The following CLASP2 variants were observed in gnomAD, a reference collection of about 807,000 sequenced individuals.
The protein encoded by CLASP2 is cytoplasmic linker associated protein 2.
CLASP2 carries 47 observed loss-of-function variants against 194.4 expected under a neutral mutation model. The ratio of observed to expected loss-of-function variants is 0.24; its 90% CI spans 0.19 to 0.31. The LOEUF is 0.31. CLASP2 is among the 10% of genes least tolerant of loss of function. The pLI, the probability that CLASP2 is intolerant of heterozygous loss-of-function variation, is 1.00. For synonymous variants in CLASP2, 619 were observed against 633.5 expected, an observed-to-expected ratio of 0.98 and a Z score of 0.34; for missense variants, 1,445 against 1,823.6, an observed-to-expected ratio of 0.79 and a Z score of 3.78.
chr3:33,713,139 C>T (rs2093117227), intron 1 of CLASP2, among the ~76,000 whole-genome samples: 1 of 151,364 alleles, frequency 6.6e-6, no homozygotes, highest in African/African-American at 2.4e-5. Flanking sequence ...CATGGGTAGT[C>T]AGTATGACAT....
At chr3:33,531,775 CAAAACA>C (rs367939263) in intron 34 of CLASP2, among the ~76,000 whole-genome samples, 12 of 151,772 alleles carry the variant, frequency 7.9e-5, no homozygotes, top group Admixed American at 5.9e-4. Context: ...AACTCTGTCT[CAAAACA>C]AAAACAAAAA....
chr3:33,519,279 T>C (rs1353760652), intron 34 of CLASP2, among the ~76,000 whole-genome samples: 1 of 152,190 alleles, frequency 6.6e-6, no homozygotes, highest in Non-Finnish European at 1.5e-5. Context: ...TTCTAGAATA[T>C]TATAGTTCCT....
At chr3:33,588,520 A>C (rs1348419752) in intron 21 of CLASP2, among the ~76,000 whole-genome samples, 1 of 152,228 alleles carries the variant, frequency 6.6e-6, no homozygotes, top group Non-Finnish European at 1.5e-5. Flanking sequence ...TGTCATTTAA[A>C]AAAAATCAAA....
chr3:33,533,210 G>A (rs905317899), intron 34 of CLASP2, among the ~76,000 whole-genome samples: 3 of 152,128 alleles, frequency 2.0e-5, no homozygotes, highest in Non-Finnish European at 4.4e-5. Flanking sequence ...TTCATGCTAT[G>A]TCCAATTTAT....
chr3:33,605,579 G>A (rs1366906609), intron 16 of CLASP2, among the ~76,000 whole-genome samples: 3 of 152,196 alleles, frequency 2.0e-5, no homozygotes, highest in East Asian at 1.9e-4. Flanking sequence ...CAAGGAAACC[G>A]GCAATCTTTG....
chr3:33,591,821 T>C (rs530089090), intron 21 of CLASP2, among the ~76,000 whole-genome samples: 4 of 152,332 alleles, frequency 2.6e-5, no homozygotes, highest in African/African-American at 9.6e-5. Context: ...GTTTCCTCAC[T>C]ATAAATTAGT....
chr3:33,635,580 A>G (rs1019058392), intron 8 of CLASP2, among the ~76,000 whole-genome samples: 1 of 152,226 alleles, frequency 6.6e-6, no homozygotes, highest in Non-Finnish European at 1.5e-5. Context: ...AATAAAATGG[A>G]AAGTTCAAAA....
chr3:33,537,195 CA>C (rs1011973687), intron 33 of CLASP2, among the ~76,000 whole-genome samples: 209 of 146,532 alleles, frequency 1.4e-3, no homozygotes, highest in Admixed American at 3.4e-3. Flanking sequence ...TCTAAAAAAC[CA>C]AAAAAAAAAC....
chr3:33,676,127 CA>C (rs1202611130), intron 6 of CLASP2, among the ~76,000 whole-genome samples: 2 of 152,200 alleles, frequency 1.3e-5, no homozygotes, highest in African/African-American at 4.8e-5. Flanking sequence ...ATTGCCAAGT[CA>C]ATCCTAAGCC....
intron 7 of CLASP2, among the ~76,000 whole-genome samples, chr3:33,654,339 G>A (rs1365658660): frequency 1.3e-5 from 2 of 152,064 alleles, no homozygotes; most frequent in Non-Finnish European, 2.9e-5. Context: ...CACGGAAAAA[G>A]GAAAAAGCAA....
At chr3:33,562,573 C>T (rs2061967785) in intron 27 of CLASP2, among the ~76,000 whole-genome samples, 2 of 152,260 alleles carry the variant, frequency 1.3e-5, no homozygotes, top group African/African-American at 4.8e-5. Context: ...GGAGTATTTA[C>T]ATCTCAGAAA....
rs1379517057 is a variant in CLASP2 at position 33,619,741 on chromosome 3, A to T, written c.1182-3T>A. On this transcript the variant is annotated splice_polypyrimidine_tract_variant and splice_region_variant and intron_variant, in intron 11 of 38. Transcript: ENST00000682230. ...TTCCCAAAACTGTTGAAAGGTGGCT[A>T]CAAAGGAAGACAAAAAGTATTTTTT... The T allele has an allele frequency of 6.4e-7, 1 of 1,572,172 alleles. No homozygotes were observed. Among genetic ancestry groups the T allele is most frequent in the Admixed American group, 1.9e-5 (1 of 53,492 alleles).
At chr3:33,613,001 T>C (rs1181753601) in intron 12 of CLASP2, among the ~76,000 whole-genome samples, 3 of 152,182 alleles carry the variant, frequency 2.0e-5, no homozygotes, top group Admixed American at 2.0e-4. Context: ...AACAATCTAT[T>C]GTACATTTCA....
In CLASP2 at chr3:33,670,950, G is replaced by A. The variant is rs188108738; in HGVS notation, c.645-7435C>T. Among the ~76,000 whole-genome samples the A allele has an allele frequency of 2.0e-5, 3 of 152,266 alleles. No individual in the cohort carries two copies. The East Asian group carries it at 5.8e-4, about 29-fold the overall frequency. On this transcript the variant is annotated intron_variant, in intron 6 of 38. Transcript: ENST00000682230. The stretch of plus-strand genomic sequence containing the variant: ...TCCTTAACAATGTCTGACCTTAAGT[G>A]AAACTATTTAATTAGACTTAACCTG...
At position 33,693,662 on chromosome 3, in the gene CLASP2, A is replaced by G. The variant is rs112663397; in HGVS notation, c.274+3193T>C. ...GGTAAATAGGCAAAAATGGGTAAAA[A>G]GTAGGCATTCAATTAATTGATAGCA... is the stretch of plus-strand genomic sequence containing the variant. On this transcript the variant is annotated intron_variant, in intron 2 of 38. Transcript: ENST00000682230. 5.1e-3 allele frequency among the ~76,000 whole-genome samples: 781 copies of G among 152,326 alleles called. 10 individuals carry two copies. Among genetic ancestry groups the G allele is most frequent in the African/African-American group, 0.018 (734 of 41,584 alleles).
chr3:33,631,274 T>C (rs539244181), intron 9 of CLASP2, among the ~76,000 whole-genome samples: 1 of 152,328 alleles, frequency 6.6e-6, no homozygotes, highest in East Asian at 1.9e-4. Context: ...ACAGGAGTTT[T>C]AACTGGTAAA....
chr3:33,560,367 G>A (rs1196432702), intron 28 of CLASP2, among the ~76,000 whole-genome samples: 1 of 151,676 alleles, frequency 6.6e-6, no homozygotes, highest in Non-Finnish European at 1.5e-5. Context: ...CTCAGCCTCT[G>A]GAGTAGCTGA....
chr3:33,603,504 C>A (rs189433780), intron 17 of CLASP2, among the ~76,000 whole-genome samples: 1 of 152,110 alleles, frequency 6.6e-6, no homozygotes, highest in Non-Finnish European at 1.5e-5. Context: ...GATAAAAATA[C>A]AAGAAAAACT....
intron 6 of CLASP2, among the ~76,000 whole-genome samples, chr3:33,674,223 C>T (rs2088022982): frequency 6.6e-6 from 1 of 152,120 alleles, no homozygotes; most frequent in African/African-American, 2.4e-5. Flanking sequence ...TGTAAAAGAA[C>T]AGAAATTATA....
Sources: allele counts gnomAD v4.1 joint callset (sites outside exome capture counted in the v4.1 genomes callset), GRCh38; gene constraint gnomAD v4.1.1; transcripts MANE v1.5; gene names NCBI Gene and HGNC (gene_info 2026-07-23, HGNC 2026-07-21).